FBXO38: variants seen among roughly 807,000 people sequenced by gnomAD.
The protein encoded by FBXO38 is F-box only protein 38.
In FBXO38, 53 loss-of-function variants were observed where a neutral mutation model predicts 131.9. That is an observed-to-expected ratio of 0.40 (90% confidence interval 0.32 to 0.51). FBXO38 has a LOEUF of 0.51. Among genes scored for constraint, FBXO38 ranks in the 20% least tolerant of loss-of-function variants. FBXO38 has a pLI of 0.53. For synonymous variants in FBXO38, 452 were observed against 505.6 expected, an observed-to-expected ratio of 0.89 and a Z score of 1.42; for missense variants, 1,076 against 1,475.6, an observed-to-expected ratio of 0.73 and a Z score of 4.44.
chr5:148,432,497 C>T (rs1458315676), intron 15 of FBXO38, among the ~76,000 whole-genome samples: 1 of 152,154 alleles, frequency 6.6e-6, no homozygotes, highest in East Asian at 1.9e-4. Flanking sequence ...AGTTCTTGTA[C>T]CATCCCATGC....
chr5:148,413,376 G>C (rs553025443), intron 9 of FBXO38: 11 of 151,876 alleles, frequency 7.2e-5, no homozygotes, highest in African/African-American at 2.4e-4. Context: ...GTTGATTGCA[G>C]ACTGTGAGAG....
intron 9 of FBXO38, chr5:148,413,563 A>G (rs1299623105): frequency 6.6e-6 from 1 of 152,172 alleles, no homozygotes; most frequent in East Asian, 1.9e-4. Flanking sequence ...TCCTTTACTT[A>G]TTCCCAAACC....
chr5:148,395,742 T>C (rs1465742625), intron 2 of FBXO38, among the ~76,000 whole-genome samples: 1 of 152,152 alleles, frequency 6.6e-6, no homozygotes, highest in Non-Finnish European at 1.5e-5. Context: ...ATGGTTATTC[T>C]GCTTTTTTTC....
intron 6 of FBXO38, among the ~76,000 whole-genome samples, chr5:148,405,435 G>A (rs946392005): frequency 1.3e-5 from 2 of 151,742 alleles, no homozygotes; most frequent in African/African-American, 4.8e-5. Context: ...TCCTCTTCCA[G>A]TGTGGCCCAG....
rs779561720 is a variant in FBXO38, at chr5:148,427,497, G to T, written c.2203G>T (p.Gly735Cys). Residue 735 changes from glycine to cysteine, a missense_variant, in exon 15 of 22, where the codon GGC becomes TGC. Transcript: ENST00000340253. ...CTTTGTAAGGACGGTGAACAGCGGC[G>T]GCTCTTCCGAGCCTAGCCCTACAGA... ...PDFVRTVNSG[G>C]SSEPSPTEVD... 4 of 1,614,036 alleles carry T rather than the reference G, an allele frequency of 2.5e-6. No individual in the cohort carries two copies. The highest frequency in any genetic ancestry group is 1.3e-5 in the African/African-American group (1 of 74,914).
intron 7 of FBXO38, among the ~76,000 whole-genome samples, chr5:148,406,960 A>C (rs1008452093): frequency 7.2e-5 from 11 of 152,222 alleles, no homozygotes; most frequent in Non-Finnish European, 1.2e-4. Flanking sequence ...TGCAGAAAAA[A>C]AATAGTGGTT....
chr5:148,441,755 G>C (rs1219103211), intron 21 of FBXO38, among the ~76,000 whole-genome samples: 1 of 152,124 alleles, frequency 6.6e-6, no homozygotes, highest in Non-Finnish European at 1.5e-5. Flanking sequence ...ACTTGCCTTT[G>C]GTGCAGTATT....
rs1754609823 is a variant in FBXO38 at position 148,440,454 on chromosome 5, A to C, written c.3201A>C (p.Glu1067Asp). The C allele has an allele frequency of 6.2e-7, 1 of 1,612,612 alleles. No individual in the cohort carries two copies. ...QELIKYEFFP[E>D]ATRSEEDLKK... is the part of the protein sequence containing the mutation. ...TCATTAAATATGAATTCTTCCCTGA[A>C]GCCACTCGAAGTGAAGAAGACTTAA... The change falls in exon 20 of 22, where the codon GAA (glutamate) becomes GAC (aspartate). Residue 1067 changes from glutamate to aspartate, a missense_variant. Around this residue, in one of 8 missense-constraint regions of FBXO38, gnomAD observed 282 missense variants for 418.8 expected, o/e 0.67. Coordinates refer to ENST00000340253, the MANE Select transcript of FBXO38 (RefSeq NM_205836.3).
At chr5:148,401,051 T>G (rs1221889466) in intron 3 of FBXO38, among the ~76,000 whole-genome samples, 2 of 152,182 alleles carry the variant, frequency 1.3e-5, no homozygotes, top group African/African-American at 4.8e-5. Context: ...TTAAATGAGA[T>G]AACTTAAAAA....
At chr5:148,393,183 A>T (rs1758290857) in intron 1 of FBXO38, among the ~76,000 whole-genome samples, 1 of 97,194 alleles carries the variant, frequency 1.0e-5, no homozygotes, top group Non-Finnish European at 2.1e-5. Context: ...AAACAACAGA[A>T]GAGGGGTGTG....
chr5:148,390,686 GT>G (rs1259781888), intron 1 of FBXO38, among the ~76,000 whole-genome samples: 4 of 152,120 alleles, frequency 2.6e-5, no homozygotes, highest in Non-Finnish European at 5.9e-5. Flanking sequence ...GTAAATATTT[GT>G]TAACTCTCAA....
chr5:148,386,915 A>T (rs1368640752), intron 1 of FBXO38, among the ~76,000 whole-genome samples: 1 of 151,326 alleles, frequency 6.6e-6, no homozygotes, highest in African/African-American at 2.5e-5. Flanking sequence ...AATTTAAAAA[A>T]AATGCTAACA....
chr5:148,398,689 T>C (rs1751963746), intron 2 of FBXO38, among the ~76,000 whole-genome samples: 1 of 151,854 alleles, frequency 6.6e-6, no homozygotes, highest in South Asian at 2.1e-4. Context: ...TTTTTTTTTT[T>C]CTTCTTTTCT....
At chr5:148,440,208 C>T (rs1754594389) in intron 19 of FBXO38, 1 of 494,466 alleles carries the variant, frequency 2.0e-6, no homozygotes, top group Non-Finnish European at 3.6e-6. Context: ...CTTTCTTTCC[C>T]TGATATGATT....
intron 10 of FBXO38, 125 bp from the exon 11 acceptor site, chr5:148,415,803 A>C (rs991371765): frequency 1.0e-6 from 1 of 965,692 alleles, no homozygotes; most frequent in African/African-American, 1.7e-5. Flanking sequence ...TTTAGAAGTC[A>C]TGAAAAAAAG....
At chr5:148,419,339 T>TACACACACACACAAC (rs948057881) in intron 12 of FBXO38, among the ~76,000 whole-genome samples, 4 of 151,648 alleles carry the variant, frequency 2.6e-5, no homozygotes, top group African/African-American at 7.3e-5. Flanking sequence ...TAAACATGTA[T>TACACACACACACAAC]ACACACACAC....
chr5:148,384,388 A>C (rs1411738420), intron 1 of FBXO38, among the ~76,000 whole-genome samples: 1 of 152,116 alleles, frequency 6.6e-6, no homozygotes, highest in African/African-American at 2.4e-5. Context: ...GAATTTCATG[A>C]TTTTAATGTT....
intron 18 of FBXO38, 133 bp from the exon 19 acceptor site, chr5:148,439,514 G>A: frequency 1.1e-6 from 1 of 874,654 alleles, no homozygotes; most frequent in Non-Finnish European, 1.7e-6. Flanking sequence ...AGGTCTGAAT[G>A]TGACTATTTG....
intron 9 of FBXO38, chr5:148,413,449 A>G (rs1315815861): frequency 3.9e-5 from 6 of 152,236 alleles, no homozygotes; most frequent in Non-Finnish European, 8.8e-5. Context: ...GTAACTATGA[A>G]CTAACAGAAT....
Sources: allele counts gnomAD v4.1 joint callset (sites outside exome capture counted in the v4.1 genomes callset), GRCh38; gene constraint gnomAD v4.1.1; regional missense constraint gnomAD v4.1.1; transcripts MANE v1.5; gene names NCBI Gene and HGNC (gene_info 2026-07-23, HGNC 2026-07-21).